Variants in CDC123 observed in about 807,000 individuals in gnomAD.
The protein encoded by CDC123 is translation initiation factor eIF2 assembly protein.
CDC123 carries 37 observed loss-of-function variants against 54.4 expected under a neutral mutation model. That is an observed-to-expected ratio of 0.68 (90% CI 0.52 to 0.89). The LOEUF (loss-of-function observed/expected upper bound fraction) is 0.89, where lower values mean the gene tolerates loss of function less well. Among genes scored for constraint, CDC123 ranks in the 40% least tolerant of loss-of-function variants. CDC123 has a pLI of 0.00. For missense variants in CDC123, 361 were observed against 412.1 expected (o/e 0.88, Z 1.07); for synonymous variants, 144 against 136.8 (o/e 1.05, Z -0.37).
chr10:12,209,189 A>C (rs750063262), intron 2 of CDC123, among the ~76,000 whole-genome samples: 1 of 152,136 alleles, frequency 6.6e-6, no homozygotes, highest in Non-Finnish European at 1.5e-5. Flanking sequence ...AGAACAGGAC[A>C]GAAAGGTTTT....
In CDC123 at chr10:12,234,403, A is replaced by G. The variant is rs570756783; in HGVS notation, c.490-645A>G. ...TGGCTCATTTTTTTGTACTTTTAGT[A>G]GAGACGGGGTTTTACCATGTTGGCC... is the stretch of plus-strand genomic sequence containing the variant. On this transcript the variant is annotated intron_variant, in intron 7 of 12. Coordinates refer to ENST00000281141, the MANE Select transcript of CDC123 (RefSeq NM_006023.3). Among the ~76,000 whole-genome samples, 131 of 152,368 alleles carry G rather than the reference A, an allele frequency of 8.6e-4. 1 individual carries two copies. The highest frequency in any genetic ancestry group is 3.1e-3 in the African/African-American group (130 of 41,592).
chr10:12,215,776 GA>G lies in CDC123; in HGVS notation c.276del (p.Ala93LeufsTer24). The G allele has an allele frequency of 6.2e-7, 1 of 1,612,742 alleles. No homozygotes were observed. Among genetic ancestry groups the G allele is most frequent in the East Asian group, 2.2e-5 (1 of 44,748 alleles). On this transcript the variant is annotated frameshift_variant, in exon 5 of 13. Transcript: ENST00000281141. LOFTEE classifies it high-confidence loss of function. ...TCCTGAGTTTGCCACTAAAGTCCAGGAAGCTATCAATTCCCTCGGGGGCAGT... is the reference window on the plus strand; with the variant it reads ...TCCTGAGTTTGCCACTAAAGTCCAGGAGCTATCAATTCCCTCGGGGGCAGT... ...EFPEFATKVQ[E>X]AINSLGGSVF...
intron 2 of CDC123, 104 bp from the exon 3 acceptor site, chr10:12,209,863 C>A: frequency 9.0e-7 from 1 of 1,114,852 alleles, no homozygotes; most frequent in Non-Finnish European, 1.4e-6. Context: ...CACACCTAGC[C>A]TAATTTTAAG....
At chr10:12,231,588 G>T (rs1159114691) in intron 7 of CDC123, among the ~76,000 whole-genome samples, 2 of 138,688 alleles carry the variant, frequency 1.4e-5, no homozygotes, top group Non-Finnish European at 3.0e-5. Context: ...TGGCGCCATT[G>T]CACTCCAGCC....
chr10:12,203,524 C>G (rs1002727981), intron 2 of CDC123, among the ~76,000 whole-genome samples: 35 of 152,024 alleles, frequency 2.3e-4, no homozygotes, highest in African/African-American at 8.5e-4. Flanking sequence ...ATCCAGGGTT[C>G]GGTGAGAAAG....
Position 12,201,096 on chromosome 10 carries a change from A to G in CDC123, c.146+2320A>G, listed in dbSNP as rs117746512. 3.6e-3 allele frequency among the ~76,000 whole-genome samples: 541 copies of G among 152,340 alleles called. 4 individuals carry two copies. The highest frequency in any genetic ancestry group is 5.5e-3 in the Non-Finnish European group (372 of 68,034). On this transcript the variant is annotated intron_variant, in intron 2 of 12. Coordinates refer to ENST00000281141, the MANE Select transcript of CDC123 (RefSeq NM_006023.3). ...TTAGTCAGATTGCTTAATTTTAAGT[A>G]ATATCTTTGCTATTTTCTAGCCCTT...
chr10:12,230,873 A>AC lies in CDC123; in HGVS notation c.441-75_441-74insC. On this transcript the variant is annotated intron_variant, in intron 6 of 12. Coordinates refer to ENST00000281141, the MANE Select transcript of CDC123 (RefSeq NM_006023.3). ...TTAGTAAAACGTTACTCTCATGTTA[A>AC]ATATATGTTAAGTGTGTGCATAAAC... 4 of 1,352,738 alleles carry AC rather than the reference A, an allele frequency of 3.0e-6. No individual in the cohort carries two copies. In the South Asian group the frequency reaches 5.0e-5, roughly 17 times the overall value. 83.8% of individuals were successfully genotyped at this position (1,352,738 alleles called of 1,614,324 possible). A position where few individuals can be genotyped will look rare whatever the true frequency, so the allele number is the denominator to read the frequency against.
At chr10:12,197,758 C>T (rs1407286410) in intron 1 of CDC123, among the ~76,000 whole-genome samples, 9 of 151,640 alleles carry the variant, frequency 5.9e-5, no homozygotes, top group African/African-American at 2.2e-4. Flanking sequence ...GCTCTGTCGC[C>T]CAAGCTGGAG....
intron 6 of CDC123, among the ~76,000 whole-genome samples, chr10:12,229,019 C>T (rs1835864367): frequency 6.6e-6 from 1 of 152,158 alleles, no homozygotes; most frequent in African/African-American, 2.4e-5. Context: ...CAGGTCTGCC[C>T]CCTCCCTTTC....
intron 1 of CDC123, among the ~76,000 whole-genome samples, chr10:12,198,147 A>G (rs368302465): frequency 3.3e-5 from 5 of 152,242 alleles, no homozygotes; most frequent in Non-Finnish European, 4.4e-5. Flanking sequence ...AAACAAATTA[A>G]GCTAAAGCAT....
intron 5 of CDC123, among the ~76,000 whole-genome samples, chr10:12,217,004 A>T: frequency 6.6e-6 from 1 of 152,170 alleles, no homozygotes; most frequent in African/African-American, 2.4e-5. Flanking sequence ...TTTCTTGGAG[A>T]GTAGCTGGTC....
At chr10:12,246,081 G>C in intron 10 of CDC123, 68 bp from the exon 11 acceptor site, 1 of 1,531,294 alleles carries the variant, frequency 6.5e-7, no homozygotes, top group Non-Finnish European at 8.9e-7. Context: ...GAATAAAAAA[G>C]TGTTTCTTTC....
At chr10:12,221,931 A>G (rs563873387) in intron 6 of CDC123, among the ~76,000 whole-genome samples, 26 of 152,328 alleles carry the variant, frequency 1.7e-4, no homozygotes, top group Admixed American at 1.6e-3. Context: ...GGTTCTCGAC[A>G]CAAGCATGCG....
chr10:12,210,057 A>G, intron 3 of CDC123, 33 bp downstream of exon 3: 1 of 1,603,104 alleles, frequency 6.2e-7, no homozygotes, highest in East Asian at 2.2e-5. Context: ...TGTTCTGTAG[A>G]CTGTTGTAAT....
intron 8 of CDC123, 128 bp downstream of exon 8, chr10:12,235,251 C>T: frequency 1.4e-6 from 1 of 734,774 alleles, no homozygotes; most frequent in Admixed American, 2.2e-5. Flanking sequence ...CAGATGCCAC[C>T]TCTAACCAGT....
intron 6 of CDC123, among the ~76,000 whole-genome samples, chr10:12,225,604 G>A (rs1377875530): frequency 2.0e-5 from 3 of 152,014 alleles, no homozygotes; most frequent in African/African-American, 4.8e-5. Flanking sequence ...AAGAAAAAGC[G>A]GGCCTGACAA....
rs1282355437 is a variant in CDC123 at position 12,238,439 on chromosome 10, T to G, written c.689-18T>G. 1 of 1,597,000 alleles carries G rather than the reference T, an allele frequency of 6.3e-7. No individual in the cohort carries two copies. Among genetic ancestry groups the G allele is most frequent in the Non-Finnish European group, 8.5e-7 (1 of 1,174,990 alleles). ...AAATATTAGTTCATTAATAACTGAC[T>G]TTTTTTCTCCTTTACAGTTGTGTTC... On this transcript the variant is annotated intron_variant, in intron 9 of 12. Transcript: ENST00000281141.
intron 11 of CDC123, among the ~76,000 whole-genome samples, chr10:12,248,982 G>A (rs1237558800): frequency 2.6e-5 from 4 of 151,670 alleles, no homozygotes; most frequent in Non-Finnish European, 2.9e-5. Flanking sequence ...GTGGTGACGC[G>A]CGCCTGTAGT....
At chr10:12,211,525 C>T (rs1835600739) in intron 4 of CDC123, among the ~76,000 whole-genome samples, 1 of 152,200 alleles carries the variant, frequency 6.6e-6, no homozygotes, top group South Asian at 2.1e-4. Context: ...ATTCAGATCA[C>T]TCTCCTTTTA....
Sources: gnomAD v4.1 joint callset for allele counts (sites outside exome capture counted in the v4.1 genomes callset) on GRCh38, gnomAD v4.1.1 for gene constraint, MANE v1.5 for transcripts, NCBI Gene and HGNC (gene_info 2026-07-23, HGNC 2026-07-21) for gene names.